GABBR2: variants seen among roughly 807,000 people sequenced by gnomAD.
GABBR2 encodes G-protein coupled receptor 51.
In GABBR2, 23 loss-of-function variants were observed where a neutral mutation model predicts 105.6. The observed-to-expected ratio is 0.22, with a 90% CI of 0.16 to 0.31. The LOEUF is 0.31. Among genes scored for constraint, GABBR2 ranks in the 10% least tolerant of loss-of-function variants. The pLI, the probability that GABBR2 is intolerant of heterozygous loss-of-function variation, is 1.00. For synonymous variants in GABBR2, 478 were observed against 499.7 expected, an observed-to-expected ratio of 0.96 and a Z score of 0.58; for missense variants, 734 against 1,245.5, an observed-to-expected ratio of 0.59 and a Z score of 6.18.
intron 4 of GABBR2, among the ~76,000 whole-genome samples, chr9:98,491,884 C>T (rs2808559): frequency 0.081 from 12,261 of 152,152 alleles, 626 homozygotes; most frequent in East Asian, 0.17. Flanking sequence ...CCTGCTCAGC[C>T]GTTTCTGTCA....
intron 13 of GABBR2, among the ~76,000 whole-genome samples, chr9:98,358,072 T>G (rs1431529412): frequency 6.6e-6 from 1 of 152,240 alleles, no homozygotes; most frequent in East Asian, 1.9e-4. Flanking sequence ...ATAGCCTTCC[T>G]TTCTTTGAAA....
chr9:98,664,985 A>G (rs938136628), intron 1 of GABBR2, among the ~76,000 whole-genome samples: 4 of 151,974 alleles, frequency 2.6e-5, no homozygotes, highest in African/African-American at 4.8e-5. Flanking sequence ...TTAAAAAATT[A>G]GCCAGGCATG....
intron 11 of GABBR2, among the ~76,000 whole-genome samples, chr9:98,375,852 C>T (rs575390669): frequency 1.3e-5 from 2 of 152,288 alleles, no homozygotes; most frequent in East Asian, 1.9e-4. Flanking sequence ...CTCTATGATG[C>T]CAAGTAAACG....
At chr9:98,448,503 AC>A (rs1414158601) in intron 7 of GABBR2, among the ~76,000 whole-genome samples, 1 of 151,690 alleles carries the variant, frequency 6.6e-6, no homozygotes, top group Non-Finnish European at 1.5e-5. Flanking sequence ...ATCAGCCGCA[AC>A]CTCCTGGGCT....
At chr9:98,480,195 T>C (rs1826886376) in intron 5 of GABBR2, among the ~76,000 whole-genome samples, 1 of 152,164 alleles carries the variant, frequency 6.6e-6, no homozygotes, top group Admixed American at 6.5e-5. Context: ...TTTGTTGACT[T>C]TTCTCCTGAC....
At chr9:98,536,902 T>A (rs1306092144) in intron 3 of GABBR2, among the ~76,000 whole-genome samples, 2 of 152,160 alleles carry the variant, frequency 1.3e-5, no homozygotes, top group Non-Finnish European at 2.9e-5. Context: ...ACCTTCTCCA[T>A]CCTGCTCCTC....
chr9:98,462,879 C>T (rs546784550), intron 6 of GABBR2, among the ~76,000 whole-genome samples: 1 of 152,180 alleles, frequency 6.6e-6, no homozygotes, highest in African/African-American at 2.4e-5. Flanking sequence ...AAAATAAGTA[C>T]AATAATCCTT....
chr9:98,542,866 T>C (rs991857031), intron 2 of GABBR2, among the ~76,000 whole-genome samples: 14 of 152,184 alleles, frequency 9.2e-5, no homozygotes, highest in African/African-American at 3.4e-4. Flanking sequence ...TATTAACTAG[T>C]AGCATATCCT....
At chr9:98,550,745 G>C (rs1828473646) in intron 2 of GABBR2, among the ~76,000 whole-genome samples, 1 of 152,166 alleles carries the variant, frequency 6.6e-6, no homozygotes, top group South Asian at 2.1e-4. Flanking sequence ...TGCCTGCTTT[G>C]GAGGGGTGAT....
intron 7 of GABBR2, among the ~76,000 whole-genome samples, chr9:98,409,261 G>A (rs1053399497): frequency 2.0e-5 from 3 of 152,206 alleles, no homozygotes; most frequent in Non-Finnish European, 4.4e-5. Context: ...TGAGGGTGGG[G>A]AGGTGAAGCG....
At chr9:98,597,398 A>G (rs1018449525) in intron 1 of GABBR2, among the ~76,000 whole-genome samples, 6 of 152,240 alleles carry the variant, frequency 3.9e-5, no homozygotes, top group Non-Finnish European at 5.9e-5. Flanking sequence ...AATGGCACTG[A>G]ACTCCTGAAG....
At chr9:98,613,278 A>C (rs2131815476) in intron 1 of GABBR2, among the ~76,000 whole-genome samples, 1 of 152,248 alleles carries the variant, frequency 6.6e-6, no homozygotes, top group South Asian at 2.1e-4. Flanking sequence ...ATCTCTATAA[A>C]CATTTTTAAA....
chr9:98,340,174 C>T (rs1554692184), intron 13 of GABBR2, among the ~76,000 whole-genome samples: 1 of 136,340 alleles, frequency 7.3e-6, no homozygotes, highest in Non-Finnish European at 1.6e-5. Flanking sequence ...TGCTTTAATC[C>T]AGTGAGGGGT....
At position 98,376,923 on chromosome 9, in the gene GABBR2, C is replaced by A. The variant is rs941269787; in HGVS notation, c.1663-5352G>T. Among the ~76,000 whole-genome samples, 7 of 152,224 alleles carry A rather than the reference C, an allele frequency of 4.6e-5. No homozygotes were observed. The East Asian group carries it at 1.2e-3, about 25-fold the overall frequency. ...TCTGGGAGGAGAAATTTCTGAAAGG[C>A]ACCCCGTCTGGGCCCTTTCTGAAGG... is the stretch of plus-strand genomic sequence containing the variant. On this transcript the variant is annotated intron_variant, in intron 11 of 18. Transcript: ENST00000259455.
At chr9:98,445,795 G>A (rs912770457) in intron 7 of GABBR2, among the ~76,000 whole-genome samples, 18 of 152,214 alleles carry the variant, frequency 1.2e-4, no homozygotes, top group African/African-American at 4.1e-4. Context: ...CATTAGCAGG[G>A]GCACCTGCAG....
At chr9:98,603,640 T>G (rs1295548497) in intron 1 of GABBR2, among the ~76,000 whole-genome samples, 2 of 152,206 alleles carry the variant, frequency 1.3e-5, no homozygotes, top group African/African-American at 4.8e-5. Flanking sequence ...GCTCCACCAG[T>G]GCACTAGAGA....
At chr9:98,584,838 C>T (rs778167486) in intron 1 of GABBR2, among the ~76,000 whole-genome samples, 10 of 152,276 alleles carry the variant, frequency 6.6e-5, no homozygotes, top group South Asian at 2.1e-4. Flanking sequence ...GGGTCTCCCA[C>T]GCAGGAGCAC....
chr9:98,605,681 A>C (rs1829405688), intron 1 of GABBR2, among the ~76,000 whole-genome samples: 1 of 152,202 alleles, frequency 6.6e-6, no homozygotes. Context: ...ACATAAGCAG[A>C]CTAGTCATGA....
chr9:98,524,908 A>T (rs1827930078), intron 3 of GABBR2, among the ~76,000 whole-genome samples: 1 of 152,252 alleles, frequency 6.6e-6, no homozygotes, highest in South Asian at 2.1e-4. Flanking sequence ...AGACCATTTA[A>T]TGAAGAAATA....
Sources: gnomAD v4.1 joint callset for allele counts (sites outside exome capture counted in the v4.1 genomes callset) on GRCh38, gnomAD v4.1.1 for gene constraint, MANE v1.5 for transcripts, NCBI Gene and HGNC (gene_info 2026-07-23, HGNC 2026-07-21) for gene names.